The following LYRM4 variants were observed in gnomAD, a reference collection of about 807,000 sequenced individuals.
LYRM4 encodes LYR motif containing 4, also known as LYR motif-containing protein 4.
A neutral mutation model predicts 11.7 loss-of-function variants in LYRM4; 9 were observed. The observed-to-expected ratio is 0.77, with a 90% confidence interval of 0.46 to 1.34. The LOEUF (loss-of-function observed/expected upper bound fraction) is 1.34, where lower values mean the gene tolerates loss of function less well. LYRM4 is among the 40% of genes most tolerant of loss of function. The pLI is 0.00. For synonymous variants in LYRM4, 42 were observed against 40.4 expected (o/e 1.04, Z -0.15); for missense variants, 133 against 112.5 (o/e 1.18, Z -0.82).
intron 1 of LYRM4, among the ~76,000 whole-genome samples, chr6:5,228,242 T>C (rs1246370481): frequency 6.6e-6 from 1 of 152,172 alleles, no homozygotes; most frequent in Non-Finnish European, 1.5e-5. Flanking sequence ...TAAATAATAA[T>C]TGGACCTTGG....
intron 2 of LYRM4, among the ~76,000 whole-genome samples, chr6:5,152,685 T>G (rs898517155): frequency 3.3e-5 from 5 of 152,214 alleles, no homozygotes; most frequent in African/African-American, 1.2e-4. Context: ...CTAGCTACTC[T>G]CATAATCAGC....
chr6:5,260,835 A>C lies in LYRM4; in HGVS notation c.-102T>G. On this transcript the variant is annotated 5_prime_UTR_variant, in exon 1 of 3. Transcript: ENST00000330636. ...GTGCGGAAACCACGAACGAAATAAA[A>C]TGCTGCGGCTCGGCTTTGCCAGCGG... is the stretch of plus-strand genomic sequence containing the variant. 6.6e-7 allele frequency: 1 copy of C among 1,509,290 alleles called. No homozygotes were observed. Among genetic ancestry groups the C allele is most frequent in the Non-Finnish European group, 8.8e-7 (1 of 1,134,280 alleles). 93.5% of individuals were successfully genotyped at this position (1,509,290 alleles called of 1,614,324 possible).
At chr6:5,174,408 G>A (rs1416602150) in intron 2 of LYRM4, among the ~76,000 whole-genome samples, 1 of 152,128 alleles carries the variant, frequency 6.6e-6, no homozygotes, top group African/African-American at 2.4e-5. Flanking sequence ...CATCTGTCCT[G>A]CTTCCGGCTC....
chr6:5,117,678 G>A (rs969718763), intron 2 of LYRM4, among the ~76,000 whole-genome samples: 1 of 151,992 alleles, frequency 6.6e-6, no homozygotes. Context: ...GCATATTTAT[G>A]CCTATTTTTG....
At chr6:5,227,429 CAG>C (rs1196817065) in intron 1 of LYRM4, among the ~76,000 whole-genome samples, 1 of 152,126 alleles carries the variant, frequency 6.6e-6, no homozygotes, top group Non-Finnish European at 1.5e-5. Context: ...GCAAATTGTA[CAG>C]AGAGTAGATA....
At chr6:5,143,898 T>A (rs960681732) in intron 2 of LYRM4, among the ~76,000 whole-genome samples, 1 of 152,250 alleles carries the variant, frequency 6.6e-6, no homozygotes, top group African/African-American at 2.4e-5. Context: ...AAGTGATTTA[T>A]GTATTTGGAT....
the LYRM4 span, among the ~76,000 whole-genome samples, chr6:5,079,740 CCT>C: frequency 6.6e-6 from 1 of 152,218 alleles, no homozygotes; most frequent in Non-Finnish European, 1.5e-5. Flanking sequence ...GTCTCCCTAT[CCT>C]GGGAATAGGC....
the LYRM4 span, among the ~76,000 whole-genome samples, chr6:5,061,003 G>A: frequency 6.6e-6 from 1 of 152,154 alleles, no homozygotes; most frequent in Non-Finnish European, 1.5e-5. Context: ...TTAGGGGACA[G>A]CCAGTCAGGT....
the LYRM4 span, among the ~76,000 whole-genome samples, chr6:5,093,294 C>A: frequency 1.3e-5 from 2 of 152,186 alleles, no homozygotes; most frequent in Non-Finnish European, 2.9e-5. Context: ...AAAATGATGC[C>A]TTTGAGATGT....
At chr6:5,109,922 G>A (rs453331) in intron 2 of LYRM4, among the ~76,000 whole-genome samples, 108,379 of 151,706 alleles carry the variant, frequency 0.71, 39,031 homozygotes, top group East Asian at 0.93. Context: ...TAGGAAAAGC[G>A]CTGCATTCAG....
At chr6:5,086,496 G>C in the LYRM4 span, 2 of 1,536,190 alleles carry the variant, frequency 1.3e-6, no homozygotes, top group African/African-American at 2.7e-5. Flanking sequence ...CGCAGGGCGA[G>C]TACTGGGACA....
intron 2 of LYRM4, among the ~76,000 whole-genome samples, chr6:5,141,214 C>T (rs1757391287): frequency 6.6e-6 from 1 of 152,152 alleles, no homozygotes; most frequent in African/African-American, 2.4e-5. Flanking sequence ...TCTCAGGGTC[C>T]TCATGCTCAC....
chr6:5,186,789 G>T, intron 2 of LYRM4: 2 of 594,040 alleles, frequency 3.4e-6, no homozygotes, highest in Non-Finnish European at 5.0e-6. Context: ...TTCGAGACCA[G>T]CCTGACTAAT....
chr6:5,257,389 C>A (rs1764729355), intron 1 of LYRM4, among the ~76,000 whole-genome samples: 1 of 152,242 alleles, frequency 6.6e-6, no homozygotes, highest in African/African-American at 2.4e-5. Context: ...GTACATCCTT[C>A]TGTCACAGCA....
At position 5,120,000 on chromosome 6, in the gene LYRM4, T is replaced by C. The variant is rs989674889; in HGVS notation, c.208-10509A>G. Among the ~76,000 whole-genome samples the C allele has an allele frequency of 5.5e-4, 83 of 151,976 alleles. 1 individual carries two copies. Among genetic ancestry groups the C allele is most frequent in the African/African-American group, 1.9e-3 (78 of 41,476 alleles). On this transcript the variant is annotated intron_variant, in intron 2 of 2. Transcript: ENST00000330636. Reference sequence around the variant, plus strand: ...ACCTCTGCCTCCTGGGTTCAAGCGATTCTTCTGCCTCAGCCTCCCGAGTAG... The same window carrying C: ...ACCTCTGCCTCCTGGGTTCAAGCGACTCTTCTGCCTCAGCCTCCCGAGTAG...
intron 2 of LYRM4, among the ~76,000 whole-genome samples, chr6:5,110,121 A>G (rs1033714163): frequency 3.9e-5 from 6 of 152,174 alleles, no homozygotes; most frequent in African/African-American, 1.4e-4. Context: ...GGGCTAGAGC[A>G]GGTCTTTCCT....
At chr6:5,243,393 A>T (rs1401120633) in intron 1 of LYRM4, among the ~76,000 whole-genome samples, 1 of 152,248 alleles carries the variant, frequency 6.6e-6, no homozygotes, top group Non-Finnish European at 1.5e-5. Flanking sequence ...AGGTACCAAT[A>T]TTCTGAACAC....
chr6:5,113,280 T>A, intron 2 of LYRM4: 1 of 441,060 alleles, frequency 2.3e-6, no homozygotes, highest in South Asian at 1.6e-5. Context: ...TAAAAATATA[T>A]AGGCCATGGT....
intron 2 of LYRM4, among the ~76,000 whole-genome samples, chr6:5,211,076 T>C (rs537352173): frequency 6.6e-6 from 1 of 152,326 alleles, no homozygotes; most frequent in African/African-American, 2.4e-5. Context: ...CAAATATTAA[T>C]AATACTTAAG....
Sources: gnomAD v4.1 joint callset for allele counts (sites outside exome capture counted in the v4.1 genomes callset) on GRCh38, gnomAD v4.1.1 for gene constraint, MANE v1.5 for transcripts, NCBI Gene and HGNC (gene_info 2026-07-23, HGNC 2026-07-21) for gene names.